The following MYRFL variants were observed in gnomAD, a reference collection of about 807,000 sequenced individuals.
The protein encoded by MYRFL is myelin regulatory factor like.
MYRFL carries 88 observed loss-of-function variants against 109.4 expected under a neutral mutation model. The observed-to-expected ratio is 0.80, with a 90% CI of 0.68 to 0.96. The LOEUF (loss-of-function observed/expected upper bound fraction) is 0.96, where lower values mean the gene tolerates loss of function less well. Among genes scored for constraint, MYRFL ranks in the 40% least tolerant of loss-of-function variants. The pLI, the probability that MYRFL is intolerant of heterozygous loss-of-function variation, is 0.00. For synonymous variants in MYRFL, 324 were observed against 320.9 expected (o/e 1.01, Z -0.10); for missense variants, 957 against 954.9 (o/e 1.00, Z -0.03).
At chr12:69,956,478 G>A (rs1293177071) in intron 22 of MYRFL, among the ~76,000 whole-genome samples, 2 of 152,088 alleles carry the variant, frequency 1.3e-5, no homozygotes, top group African/African-American at 2.4e-5. Flanking sequence ...TATGCAATGA[G>A]CTACTTTCCA....
At chr12:69,842,011 T>C (rs953702421) in intron 1 of MYRFL, among the ~76,000 whole-genome samples, 1 of 152,186 alleles carries the variant, frequency 6.6e-6, no homozygotes, top group African/African-American at 2.4e-5. Context: ...CTAGCTAACT[T>C]ATCCTGGGTT....
At chr12:69,877,041 T>TTC (rs1885723318) in intron 2 of MYRFL, among the ~76,000 whole-genome samples, 1 of 136,020 alleles carries the variant, frequency 7.4e-6, no homozygotes, top group Non-Finnish European at 1.6e-5. Context: ...TTTTTTTTTT[T>TTC]GAGACGGAGT....
Position 69,958,282 on chromosome 12 carries a change from C to A in MYRFL, c.2605C>A (p.Pro869Thr). ...GCACATTTGGAGCCTCCCTGTAGCCCCATTTTCTGACAGCATGTTCCATTT... is the reference window on the plus strand; with the variant it reads ...GCACATTTGGAGCCTCCCTGTAGCCACATTTTCTGACAGCATGTTCCATTT... ...YQHIWSLPVA[P>T]FSDSMFHFRV... Residue 869 changes from proline to threonine, a missense_variant, in exon 24 of 25, where the codon CCA becomes ACA. Coordinates refer to ENST00000552032, the MANE Select transcript of MYRFL (RefSeq NM_182530.3). 6.5e-7 allele frequency: 1 copy of A among 1,536,506 alleles called. No individual in the cohort carries two copies. The highest frequency in any genetic ancestry group is 2.4e-5 in the East Asian group (1 of 40,922).
rs1216847289 is a variant in MYRFL at position 69,910,037 on chromosome 12, A to AT, written c.1455dup (p.Ala486CysfsTer32). The stretch of plus-strand genomic sequence containing the variant: ...TTGTTGAATATGACTACAAACCTGA[A>AT]TTTGCATCTGCAATGGGAATAAACA... On this transcript the variant is annotated frameshift_variant, in exon 12 of 25. Coordinates refer to ENST00000552032, the MANE Select transcript of MYRFL (RefSeq NM_182530.3). LOFTEE classifies it high-confidence loss of function. 2 of 1,534,738 alleles carry AT rather than the reference A, an allele frequency of 1.3e-6. No individual in the cohort carries two copies. Among genetic ancestry groups the AT allele is most frequent in the Non-Finnish European group, 1.7e-6 (2 of 1,146,470 alleles).
At chr12:69,865,269 G>A (rs1020011310) in intron 2 of MYRFL, among the ~76,000 whole-genome samples, 1 of 152,202 alleles carries the variant, frequency 6.6e-6, no homozygotes, top group Admixed American at 6.5e-5. Context: ...CAGCTGTGTA[G>A]AAATGTAAGT....
intron 1 of MYRFL, among the ~76,000 whole-genome samples, chr12:69,837,424 T>C (rs986421165): frequency 1.3e-5 from 2 of 152,126 alleles, no homozygotes; most frequent in African/African-American, 4.8e-5. Flanking sequence ...TGATCTGTCA[T>C]GAGTTCAACA....
chr12:69,939,447 G>A (rs1242984083), intron 19 of MYRFL, among the ~76,000 whole-genome samples: 6 of 151,676 alleles, frequency 4.0e-5, no homozygotes, highest in Admixed American at 6.6e-5. Context: ...CACCTCACAC[G>A]GCAGGGTACT....
chr12:69,879,496 G>T (rs116814265), intron 4 of MYRFL, 43 bp downstream of exon 4: 28,451 of 670,144 alleles, frequency 0.042, 751 homozygotes, highest in Non-Finnish European at 0.051. Flanking sequence ...TTTGCGGAAA[G>T]CCTCGGAGCA....
intron 1 of MYRFL, among the ~76,000 whole-genome samples, chr12:69,840,227 T>A (rs1219067639): frequency 6.6e-6 from 1 of 152,230 alleles, no homozygotes; most frequent in Non-Finnish European, 1.5e-5. Context: ...TCTGAATGTA[T>A]GTCCAGTTTG....
intron 1 of MYRFL, 90 bp downstream of exon 1, chr12:69,825,653 T>C (rs1240246835): frequency 3.0e-6 from 2 of 664,608 alleles, no homozygotes; most frequent in African/African-American, 3.6e-5. Context: ...TTAAACTTTG[T>C]TTTGAAAGAA....
intron 1 of MYRFL, among the ~76,000 whole-genome samples, chr12:69,837,829 C>T (rs1312209001): frequency 6.6e-6 from 1 of 152,202 alleles, no homozygotes; most frequent in Non-Finnish European, 1.5e-5. Context: ...CTTTGCACTT[C>T]ACCTTTCAAA....
intron 4 of MYRFL, among the ~76,000 whole-genome samples, chr12:69,879,807 G>T (rs1290667815): frequency 1.3e-5 from 2 of 152,154 alleles, no homozygotes; most frequent in African/African-American, 4.8e-5. Context: ...ATTAACTAAT[G>T]TTCTTTTCTT....
At chr12:69,832,431 C>T (rs1471550840) in intron 1 of MYRFL, among the ~76,000 whole-genome samples, 4 of 151,852 alleles carry the variant, frequency 2.6e-5, no homozygotes, top group South Asian at 2.1e-4. Flanking sequence ...AGGGAGAAGA[C>T]GATAGGAGAT....
intron 9 of MYRFL, among the ~76,000 whole-genome samples, chr12:69,896,327 AATG>A (rs1953994373): frequency 6.6e-6 from 1 of 152,212 alleles, no homozygotes; most frequent in South Asian, 2.1e-4. Context: ...TAATAATAAT[AATG>A]ATAACGGTTA....
chr12:69,934,434 T>C lies in MYRFL; in HGVS notation c.1917-1679T>C, dbSNP rs377380595. ...CTAATTAGTGTTTTTAGCTCTGCCA[T>C]CTGCAGCCCAATGAACAGCAGAGTG... On this transcript the variant is annotated intron_variant, in intron 16 of 24. Transcript: ENST00000552032. 5.0e-3 allele frequency among the ~76,000 whole-genome samples: 757 copies of C among 152,296 alleles called. 3 individuals carry two copies. The highest frequency in any genetic ancestry group is 8.5e-3 in the Non-Finnish European group (581 of 68,018).
At position 69,936,642 on chromosome 12, in the gene MYRFL, G is replaced by A. The variant is rs752054967; in HGVS notation, c.2224+10G>A. On this transcript the variant is annotated intron_variant, in intron 19 of 24. Coordinates refer to ENST00000552032, the MANE Select transcript of MYRFL (RefSeq NM_182530.3). ...CAGAGGCGATGGTCAGGTAAATGAT[G>A]TTCAAAGAGAAACAACTAGAGCTTT... 1.1e-5 allele frequency: 16 copies of A among 1,489,914 alleles called. No homozygotes were observed. The highest frequency in any genetic ancestry group is 2.3e-5 in the Admixed American group (1 of 44,086). The allele number at this position is 1,489,914 out of a possible 1,614,324, so 92.3% of individuals were successfully genotyped here. A position where few individuals can be genotyped will look rare whatever the true frequency, so the allele number is the denominator to read the frequency against.
In MYRFL at chr12:69,903,922, A is replaced by G. The variant is rs138087453; in HGVS notation, c.1383+78A>G. On this transcript the variant is annotated intron_variant, in intron 11 of 24. Transcript: ENST00000552032. ...GCTGGGTGCTCCTGGCCTCTGACAC[A>G]CCTTGAACCGCACATCTTTACATGT... 2,463 of 1,287,982 alleles carry G rather than the reference A, an allele frequency of 1.9e-3. 47 individuals are homozygous for G. In the African/African-American group the frequency reaches 0.033, roughly 17 times the overall value. The allele number at this position is 1,287,982 out of a possible 1,614,324, so 79.8% of individuals were successfully genotyped here.
chr12:69,939,591 G>GA (rs1297778668), intron 19 of MYRFL, among the ~76,000 whole-genome samples: 1 of 151,834 alleles, frequency 6.6e-6, no homozygotes, highest in African/African-American at 2.4e-5. Flanking sequence ...CAAAGATGGG[G>GA]AAAAAACAGA....
At chr12:69,947,927 A>G (rs548161016) in intron 19 of MYRFL, among the ~76,000 whole-genome samples, 12 of 152,340 alleles carry the variant, frequency 7.9e-5, no homozygotes, top group Non-Finnish European at 1.5e-4. Context: ...TGACAGGAGT[A>G]TGCTTTTTTT....
Sources: gnomAD v4.1 joint callset for allele counts (sites outside exome capture counted in the v4.1 genomes callset) on GRCh38, gnomAD v4.1.1 for gene constraint, MANE v1.5 for transcripts, NCBI Gene and HGNC (gene_info 2026-07-23, HGNC 2026-07-21) for gene names.